The following MBD5 variants were observed in gnomAD, a reference collection of about 807,000 sequenced individuals.
The protein encoded by MBD5 is methyl-CpG binding domain protein 5.
Under a neutral mutation model 117.3 loss-of-function variants are expected in MBD5, and 13 were observed. The observed-to-expected ratio is 0.11, with a 90% CI of 0.07 to 0.18. The LOEUF (loss-of-function observed/expected upper bound fraction) is 0.18. Among genes scored for constraint, MBD5 ranks in the 10% least tolerant of loss-of-function variants. MBD5 has a pLI of 1.00. For missense variants in MBD5, 1,879 were observed against 2,093.8 expected (o/e 0.90, Z 2.00); for synonymous variants, 727 against 766.4 (o/e 0.95, Z 0.85).
At chr2:148,111,861 A>G (rs1261921461) in intron 1 of MBD5, among the ~76,000 whole-genome samples, 1 of 152,172 alleles carries the variant, frequency 6.6e-6, no homozygotes, top group Non-Finnish European at 1.5e-5. Context: ...GTACATACCT[A>G]TAAGTTTAAT....
At chr2:148,197,763 G>C (rs1033391400) in intron 2 of MBD5, among the ~76,000 whole-genome samples, 42 of 149,486 alleles carry the variant, frequency 2.8e-4, no homozygotes, top group African/African-American at 9.8e-4. Flanking sequence ...ACTATTCTTT[G>C]GAGTAGAATT....
intron 2 of MBD5, among the ~76,000 whole-genome samples, chr2:148,180,918 CATA>C (rs1382319838): frequency 3.3e-5 from 5 of 151,976 alleles, no homozygotes; most frequent in African/African-American, 9.7e-5. Flanking sequence ...TTTATATTTT[CATA>C]ATGAGTATTG....
At chr2:148,202,651 T>A (rs577730972) in intron 2 of MBD5, among the ~76,000 whole-genome samples, 2 of 152,162 alleles carry the variant, frequency 1.3e-5, no homozygotes, top group Non-Finnish European at 2.9e-5. Flanking sequence ...TTGATGTGAT[T>A]TGAGAAATTT....
chr2:148,187,375 G>A (rs1429544639), intron 2 of MBD5, among the ~76,000 whole-genome samples: 1 of 151,224 alleles, frequency 6.6e-6, no homozygotes, highest in African/African-American at 2.4e-5. Context: ...TATGGAATTG[G>A]AGTTGCAGAA....
chr2:148,028,209 G>A (rs1390936738), intron 1 of MBD5: 2 of 151,996 alleles, frequency 1.3e-5, no homozygotes, highest in African/African-American at 4.8e-5. Context: ...TAGATTATTA[G>A]AATACATTGT....
At chr2:148,271,755 A>G (rs1700992198) in intron 3 of MBD5, among the ~76,000 whole-genome samples, 1 of 151,428 alleles carries the variant, frequency 6.6e-6, no homozygotes, top group Non-Finnish European at 1.5e-5. Flanking sequence ...TAGTTAGCAT[A>G]TGCATTACCT....
chr2:148,347,304 T>G (rs971435248), intron 4 of MBD5: 1 of 151,932 alleles, frequency 6.6e-6, no homozygotes, highest in African/African-American at 2.4e-5. Context: ...AGCCAAGGAG[T>G]TTTGAGGCTA....
Position 148,424,208 on chromosome 2 carries a change from A to C in MBD5, c.-556-33995A>C, listed in dbSNP as rs1461956705. On this transcript the variant is annotated intron_variant, in intron 4 of 13. Coordinates refer to ENST00000642680, the MANE Select transcript of MBD5 (RefSeq NM_001378120.1). ...AAAAAAAAAAAAAAAAAAAAAAAAA[A>C]AAAAAAAACAGCAGAGGTCGTAATC... 2.0e-4 allele frequency among the ~76,000 whole-genome samples: 28 copies of C among 139,422 alleles called. No homozygotes were observed. In the South Asian group the frequency reaches 4.7e-3, roughly 24 times the overall value. 91.5% of individuals were successfully genotyped at this position (139,422 alleles called of 152,430 possible).
chr2:148,406,607 T>A (rs1422619684), intron 4 of MBD5, among the ~76,000 whole-genome samples: 1 of 151,628 alleles, frequency 6.6e-6, no homozygotes, highest in Non-Finnish European at 1.5e-5. Flanking sequence ...CAAAACATTA[T>A]GATGTCTAAT....
At chr2:148,059,728 C>T (rs1053273420) in intron 1 of MBD5, among the ~76,000 whole-genome samples, 2 of 151,910 alleles carry the variant, frequency 1.3e-5, no homozygotes, top group African/African-American at 4.8e-5. Context: ...CACCTGTAGT[C>T]CCAGCTACTT....
At chr2:148,212,891 A>G (rs1281280721) in intron 2 of MBD5, among the ~76,000 whole-genome samples, 2 of 152,150 alleles carry the variant, frequency 1.3e-5, no homozygotes, top group African/African-American at 4.8e-5. Flanking sequence ...TCCCTCATCT[A>G]ATTGGTCAGG....
At chr2:148,295,906 A>G (rs1178706079) in intron 3 of MBD5, 1 of 162,850 alleles carries the variant, frequency 6.1e-6, no homozygotes, top group Non-Finnish European at 1.3e-5. Flanking sequence ...TAGAGCTCTA[A>G]TCATGGGTGG....
chr2:148,344,722 T>C (rs1334291083), intron 4 of MBD5, among the ~76,000 whole-genome samples: 2 of 152,012 alleles, frequency 1.3e-5, no homozygotes, highest in Non-Finnish European at 2.9e-5. Context: ...TTTAGTGTTT[T>C]CAAGGTATAG....
chr2:148,036,986 GA>G (rs1229313066), intron 1 of MBD5, among the ~76,000 whole-genome samples: 3 of 150,894 alleles, frequency 2.0e-5, no homozygotes, highest in Non-Finnish European at 4.4e-5. Flanking sequence ...CATTTTTAAA[GA>G]GATAATTATA....
intron 1 of MBD5, among the ~76,000 whole-genome samples, chr2:148,098,953 G>C (rs1236482101): frequency 2.6e-5 from 4 of 152,128 alleles, no homozygotes; most frequent in South Asian, 4.1e-4. Flanking sequence ...TACTTGAGAG[G>C]CTGATGCAGT....
intron 3 of MBD5, among the ~76,000 whole-genome samples, chr2:148,332,163 A>G (rs1325781419): frequency 6.6e-6 from 1 of 152,084 alleles, no homozygotes; most frequent in East Asian, 1.9e-4. Context: ...TATGCAAGCT[A>G]TAGACTTAGA....
At chr2:148,262,925 C>T (rs1700766599) in intron 3 of MBD5, among the ~76,000 whole-genome samples, 1 of 152,152 alleles carries the variant, frequency 6.6e-6, no homozygotes, top group East Asian at 1.9e-4. Context: ...GGATGTTAGT[C>T]TGATCTAGGC....
rs576680288 is a variant in MBD5 at position 148,504,016 on chromosome 2, A to T, written c.5036+1507A>T. On this transcript the variant is annotated intron_variant, in intron 12 of 13. Transcript: ENST00000642680. ...CAGAAATAAAATAACTCCTCCAAAT[A>T]TTCAAATACACTGCCTTGAAATGAG... Among the ~76,000 whole-genome samples, 31 of 152,356 alleles carry T rather than the reference A, an allele frequency of 2.0e-4. No homozygotes were observed. In the South Asian group the frequency reaches 6.4e-3, roughly 32 times the overall value.
chr2:148,418,850 T>G (rs1477289312), intron 4 of MBD5, among the ~76,000 whole-genome samples: 1 of 152,072 alleles, frequency 6.6e-6, no homozygotes, highest in Admixed American at 6.6e-5. Flanking sequence ...CCAATGTTAT[T>G]CTTTATAGAA....
Sources: gnomAD v4.1 joint callset for allele counts (sites outside exome capture counted in the v4.1 genomes callset) on GRCh38, gnomAD v4.1.1 for gene constraint, MANE v1.5 for transcripts, NCBI Gene and HGNC (gene_info 2026-07-23, HGNC 2026-07-21) for gene names.